The following PPM1H variants were observed in gnomAD, a reference collection of about 807,000 sequenced individuals.
The protein encoded by PPM1H is protein phosphatase, Mg2+/Mn2+ dependent 1H.
PPM1H carries 27 observed loss-of-function variants against 54.9 expected under a neutral mutation model. That is an observed-to-expected ratio of 0.49 (90% CI 0.36 to 0.68). PPM1H has a LOEUF of 0.68. PPM1H is among the 30% of genes least tolerant of loss of function. The pLI, the probability that PPM1H is intolerant of heterozygous loss-of-function variation, is 0.00. For missense variants in PPM1H, 596 were observed against 667.8 expected (o/e 0.89, Z 1.19); for synonymous variants, 305 against 270.8 (o/e 1.13, Z -1.24).
chr12:62,766,491 C>T (rs1163212535), intron 4 of PPM1H, among the ~76,000 whole-genome samples: 1 of 152,018 alleles, frequency 6.6e-6, no homozygotes, highest in Admixed American at 6.6e-5. Context: ...TGCTTCCTAA[C>T]AGGCAACACA....
intron 2 of PPM1H, among the ~76,000 whole-genome samples, chr12:62,803,926 G>T (rs2076788157): frequency 6.6e-6 from 1 of 152,134 alleles, no homozygotes. Context: ...CATCAAAGAT[G>T]ACATAAAATA....
intron 4 of PPM1H, among the ~76,000 whole-genome samples, chr12:62,752,655 A>G (rs897276608): frequency 5.3e-5 from 8 of 152,334 alleles, no homozygotes; most frequent in Admixed American, 5.2e-4. Context: ...AGAGATACAT[A>G]TAAAGGAGTC....
At position 62,780,982 on chromosome 12, in the gene PPM1H, C is replaced by T. The variant is rs74955750; in HGVS notation, c.869+7244G>A. Among the ~76,000 whole-genome samples the T allele has an allele frequency of 1.3e-4, 20 of 152,358 alleles. No homozygotes were observed. The East Asian group carries it at 3.9e-3, about 29-fold the overall frequency. On this transcript the variant is annotated intron_variant, in intron 4 of 9. Transcript: ENST00000228705. ...AACTTCATGAGACTTCCCAGCTTAG[C>T]CTTTCAGTGTGTAAGAGACACGGGA... is the stretch of plus-strand genomic sequence containing the variant.
chr12:62,782,754 A>T (rs527696801), intron 4 of PPM1H, among the ~76,000 whole-genome samples: 9 of 152,378 alleles, frequency 5.9e-5, no homozygotes, highest in African/African-American at 2.2e-4. Context: ...TTGTGGTAGT[A>T]ATCATTTATA....
At chr12:62,784,688 A>G (rs1055050708) in intron 4 of PPM1H, among the ~76,000 whole-genome samples, 1 of 152,190 alleles carries the variant, frequency 6.6e-6, no homozygotes, top group African/African-American at 2.4e-5. Context: ...ATGGACCTAC[A>G]TTTCCACAGA....
intron 4 of PPM1H, among the ~76,000 whole-genome samples, chr12:62,775,257 T>C (rs1592593201): frequency 6.6e-6 from 1 of 152,198 alleles, no homozygotes; most frequent in Non-Finnish European, 1.5e-5. Flanking sequence ...TACAGGCAAG[T>C]CCGGCAGCCT....
At chr12:62,702,581 A>AG (rs1555190172) in intron 6 of PPM1H, among the ~76,000 whole-genome samples, 18 of 151,918 alleles carry the variant, frequency 1.2e-4, no homozygotes, top group East Asian at 1.2e-3. Flanking sequence ...AGAGAGAGAG[A>AG]AATACCACTT....
intron 2 of PPM1H, among the ~76,000 whole-genome samples, chr12:62,803,714 A>G (rs1350997643): frequency 6.6e-6 from 1 of 152,240 alleles, no homozygotes; most frequent in Non-Finnish European, 1.5e-5. Flanking sequence ...ACATTAAACT[A>G]AAATGTTTCT....
intron 8 of PPM1H, among the ~76,000 whole-genome samples, chr12:62,676,722 T>C (rs1372723898): frequency 6.6e-6 from 1 of 151,744 alleles, no homozygotes; most frequent in Non-Finnish European, 1.5e-5. Context: ...CCACCGAGCA[T>C]GGGAGGGAGG....
At chr12:62,820,499 C>T (rs1281567759) in intron 2 of PPM1H, among the ~76,000 whole-genome samples, 4 of 152,194 alleles carry the variant, frequency 2.6e-5, no homozygotes, top group South Asian at 4.1e-4. Context: ...CATTAGGGGC[C>T]GACTGACACC....
chr12:62,896,927 A>C (rs1871009370), intron 1 of PPM1H, among the ~76,000 whole-genome samples: 1 of 152,150 alleles, frequency 6.6e-6, no homozygotes, highest in East Asian at 1.9e-4. Context: ...GTCATAAAAA[A>C]GGATGAGTTC....
At chr12:62,698,442 C>T (rs1196997662) in intron 6 of PPM1H, among the ~76,000 whole-genome samples, 2 of 152,034 alleles carry the variant, frequency 1.3e-5, no homozygotes, top group Admixed American at 1.3e-4. Flanking sequence ...TCAAAGTTTC[C>T]TTTTCCTTAG....
Position 62,723,040 on chromosome 12 carries a change from G to T in PPM1H, c.955-2751C>A, listed in dbSNP as rs2076272067. On this transcript the variant is annotated intron_variant, in intron 5 of 9. Coordinates refer to ENST00000228705, the MANE Select transcript of PPM1H (RefSeq NM_020700.2). ...AGCCTACTGATCAGAGCTTAGCCTG[G>T]CCTACCTTAAATGTGCTCAGAACAC... 2.0e-5 allele frequency among the ~76,000 whole-genome samples: 3 copies of T among 152,212 alleles called. No individual in the cohort carries two copies. In the South Asian group the frequency reaches 6.2e-4, roughly 32 times the overall value.
At chr12:62,916,114 T>G (rs1311169422) in intron 1 of PPM1H, among the ~76,000 whole-genome samples, 1 of 152,212 alleles carries the variant, frequency 6.6e-6, no homozygotes, top group Non-Finnish European at 1.5e-5. Context: ...ATGTCTCCCC[T>G]GCTAACTTGT....
At chr12:62,649,667 C>G (rs1455279121) in intron 9 of PPM1H, among the ~76,000 whole-genome samples, 2 of 152,180 alleles carry the variant, frequency 1.3e-5, no homozygotes, top group African/African-American at 4.8e-5. Context: ...TCGTGTTCAC[C>G]AAAGAACCTC....
rs1176968577 is a variant in PPM1H, at chr12:62,666,141, G to A, written c.1397+1037C>T. ...CACCCAGGCTGGAGTGCAGTGGCGC[G>A]ATCTTGGCTCACTGCAACCTCTGTC... On this transcript the variant is annotated intron_variant, in intron 9 of 9. Coordinates refer to ENST00000228705, the MANE Select transcript of PPM1H (RefSeq NM_020700.2). Among the ~76,000 whole-genome samples the A allele has an allele frequency of 2.6e-5, 4 of 152,036 alleles. No homozygotes were observed. The South Asian group carries it at 6.2e-4, about 24-fold the overall frequency.
At chr12:62,716,337 T>G (rs1328839690) in intron 6 of PPM1H, among the ~76,000 whole-genome samples, 1 of 152,202 alleles carries the variant, frequency 6.6e-6, no homozygotes, top group Non-Finnish European at 1.5e-5. Context: ...ATCTGTAAAA[T>G]GTACCTAGTT....
At chr12:62,684,382 T>G (rs1565755944) in intron 8 of PPM1H, among the ~76,000 whole-genome samples, 1 of 152,166 alleles carries the variant, frequency 6.6e-6, no homozygotes, top group Admixed American at 6.5e-5. Context: ...AACTCGAGAT[T>G]TTTCCAGCGC....
chr12:62,692,370 T>C (rs2076087946), intron 7 of PPM1H, among the ~76,000 whole-genome samples: 1 of 152,210 alleles, frequency 6.6e-6, no homozygotes, highest in Non-Finnish European at 1.5e-5. Flanking sequence ...AACTTTATAC[T>C]AAAATTAGAA....
Sources: gnomAD v4.1 joint callset for allele counts (sites outside exome capture counted in the v4.1 genomes callset) on GRCh38, gnomAD v4.1.1 for gene constraint, MANE v1.5 for transcripts, NCBI Gene and HGNC (gene_info 2026-07-23, HGNC 2026-07-21) for gene names.